Variants in HLCS observed in about 807,000 individuals in gnomAD.
HLCS encodes the protein biotin--protein ligase.
In HLCS, 53 loss-of-function variants were observed where a neutral mutation model predicts 75.0. The ratio of observed to expected loss-of-function variants is 0.71; its 90% confidence interval spans 0.57 to 0.89. HLCS has a LOEUF of 0.89. HLCS is among the 40% of genes least tolerant of loss of function. HLCS has a pLI of 0.00. For missense variants in HLCS, 966 were observed against 1,074.0 expected (o/e 0.90, Z 1.41); for synonymous variants, 431 against 428.6 (o/e 1.01, Z -0.07).
At chr21:36,941,182 A>G (rs1846995760) in intron 2 of HLCS, among the ~76,000 whole-genome samples, 1 of 152,226 alleles carries the variant, frequency 6.6e-6, no homozygotes, top group Admixed American at 6.5e-5. Context: ...ATTGCACTCC[A>G]GCCTGGGTGA....
intron 6 of HLCS, among the ~76,000 whole-genome samples, chr21:36,778,430 C>A (rs954481171): frequency 6.6e-6 from 1 of 152,078 alleles, no homozygotes; most frequent in Admixed American, 6.6e-5. Context: ...CAGGTGTGCA[C>A]CACCATACCC....
At chr21:36,988,171 A>T (rs1345665886) in intron 1 of HLCS, among the ~76,000 whole-genome samples, 1 of 152,000 alleles carries the variant, frequency 6.6e-6, no homozygotes, top group Non-Finnish European at 1.5e-5. Flanking sequence ...TTAGACTTTC[A>T]CCCCATTCTC....
In HLCS at chr21:36,751,232, T is replaced by C. The variant is rs2089353917; in HGVS notation, c.*3014A>G. On this transcript the variant is annotated 3_prime_UTR_variant, in exon 11 of 11. Transcript: ENST00000674895. The stretch of plus-strand genomic sequence containing the variant: ...AGTTTATTTTGGTAGACTTGCTTTT[T>C]ATAGGCATTGGTTTAAAGTGATTCT... 1.3e-5 allele frequency: 2 copies of C among 152,672 alleles called. No homozygotes were observed. The highest frequency in any genetic ancestry group is 4.1e-4 in the South Asian group (2 of 4,836). 9.5% of individuals were successfully genotyped at this position (152,672 alleles called of 1,614,324 possible).
chr21:36,823,610 G>GGGGTAT (rs372824950), intron 6 of HLCS, among the ~76,000 whole-genome samples: 1 of 132,726 alleles, frequency 7.5e-6, no homozygotes, highest in African/African-American at 2.8e-5. Context: ...AAACGTGCAG[G>GGGGTAT]GTGTGTGTGT....
At chr21:36,820,371 C>T (rs1488146746) in intron 6 of HLCS, among the ~76,000 whole-genome samples, 1 of 152,094 alleles carries the variant, frequency 6.6e-6, no homozygotes, top group East Asian at 1.9e-4. Flanking sequence ...CCAGCCACGG[C>T]CGGGCCGCCG....
At position 36,930,243 on chromosome 21, in the gene HLCS, C is replaced by T. The variant is rs1569206652; in HGVS notation, c.1620+8G>A. 5 of 1,613,768 alleles carry T rather than the reference C, an allele frequency of 3.1e-6. No homozygotes were observed. Among genetic ancestry groups the T allele is most frequent in the Admixed American group, 1.7e-5 (1 of 60,002 alleles). On this transcript the variant is annotated splice_region_variant and intron_variant, in intron 5 of 10. Coordinates refer to ENST00000674895, the MANE Select transcript of HLCS (RefSeq NM_001352514.2). Reference sequence around the variant, plus strand: ...AGCGCGCTCTGCCCAGCTGAGCCCACAACTCACCTCCGCAGCTGACAGCAA... The same window carrying T: ...AGCGCGCTCTGCCCAGCTGAGCCCATAACTCACCTCCGCAGCTGACAGCAA...
At chr21:36,770,959 C>T (rs1299086081) in intron 6 of HLCS, among the ~76,000 whole-genome samples, 8 of 152,170 alleles carry the variant, frequency 5.3e-5, no homozygotes, top group African/African-American at 1.9e-4. Flanking sequence ...GTGGTTCCCG[C>T]CTGTAATCCC....
At chr21:36,987,758 A>AT (rs1231473976) in intron 1 of HLCS, among the ~76,000 whole-genome samples, 1 of 152,038 alleles carries the variant, frequency 6.6e-6, no homozygotes, top group Non-Finnish European at 1.5e-5. Flanking sequence ...TTCACTCCAT[A>AT]TTTTTATCTT....
chr21:36,794,270 T>C (rs907873857), intron 6 of HLCS, among the ~76,000 whole-genome samples: 2 of 152,142 alleles, frequency 1.3e-5, no homozygotes, highest in Non-Finnish European at 2.9e-5. Context: ...GAGAGAGACA[T>C]AAATGCATAA....
intron 1 of HLCS, among the ~76,000 whole-genome samples, chr21:36,978,742 TG>T: frequency 6.6e-6 from 1 of 152,110 alleles, no homozygotes; most frequent in African/African-American, 2.4e-5. Context: ...GCAGACGCCT[TG>T]GGAATGTACG....
chr21:36,873,043 T>G (rs1034877602), intron 6 of HLCS, among the ~76,000 whole-genome samples: 1 of 152,226 alleles, frequency 6.6e-6, no homozygotes, highest in Non-Finnish European at 1.5e-5. Context: ...GGTATCTCAC[T>G]GTGCTTTTAA....
chr21:36,802,692 C>T (rs922974897), intron 6 of HLCS, among the ~76,000 whole-genome samples: 5 of 152,150 alleles, frequency 3.3e-5, no homozygotes, highest in African/African-American at 1.2e-4. Flanking sequence ...TACTGAACTT[C>T]AAGAAGAACA....
Position 36,892,481 on chromosome 21 carries a change from T to C in HLCS, c.1892+4379A>G, listed in dbSNP as rs577036754. ...GAGCTCGTCTGTTTCAGCTAACAGA[T>C]TGCAAGACCTCAACAGGTACATCCG... On this transcript the variant is annotated intron_variant, in intron 6 of 10. Transcript: ENST00000674895. Among the ~76,000 whole-genome samples, 10 of 152,260 alleles carry C rather than the reference T, an allele frequency of 6.6e-5. No homozygotes were observed. In the South Asian group the frequency reaches 2.1e-3, roughly 32 times the overall value.
intron 6 of HLCS, among the ~76,000 whole-genome samples, chr21:36,798,898 G>A (rs532978705): frequency 6.1e-4 from 93 of 152,158 alleles, no homozygotes; most frequent in Middle Eastern, 3.4e-3. Context: ...ATATTGAGTC[G>A]TAAGGTTCTT....
At chr21:36,944,901 T>C (rs1289157683) in intron 2 of HLCS, among the ~76,000 whole-genome samples, 1 of 152,100 alleles carries the variant, frequency 6.6e-6, no homozygotes, top group African/African-American at 2.4e-5. Context: ...GGCGGGTGGA[T>C]CACGAGGTCA....
chr21:36,771,274 C>T (rs192317296), intron 6 of HLCS, among the ~76,000 whole-genome samples: 276 of 150,178 alleles, frequency 1.8e-3, no homozygotes, highest in African/African-American at 6.5e-3. Flanking sequence ...AGAAACAAGA[C>T]AATCAACAAT....
At chr21:36,855,136 T>C (rs1326170373) in intron 6 of HLCS, among the ~76,000 whole-genome samples, 1 of 152,172 alleles carries the variant, frequency 6.6e-6, no homozygotes. Context: ...CAGTCAGATA[T>C]GAGCACATAT....
upstream of HLCS, among the ~76,000 whole-genome samples, chr21:36,970,860 G>A (rs893388689): frequency 3.3e-5 from 5 of 152,004 alleles, no homozygotes; most frequent in African/African-American, 1.2e-4. Context: ...CAGGCGTGGT[G>A]GCGGGCGCCT....
At chr21:36,805,390 C>T (rs183721262) in intron 6 of HLCS, among the ~76,000 whole-genome samples, 3 of 152,312 alleles carry the variant, frequency 2.0e-5, no homozygotes, top group Admixed American at 2.0e-4. Context: ...CGCACGGAGT[C>T]CCGGGCCCGG....
Sources: gnomAD v4.1 joint callset for allele counts (sites outside exome capture counted in the v4.1 genomes callset) on GRCh38, gnomAD v4.1.1 for gene constraint, MANE v1.5 for transcripts, NCBI Gene and HGNC (gene_info 2026-07-23, HGNC 2026-07-21) for gene names.